CCDC141: variants seen among roughly 807,000 people sequenced by gnomAD.
CCDC141 encodes coiled-coil domain-containing protein 141.
In CCDC141, 168 loss-of-function variants were observed where a neutral mutation model predicts 181.0. That is an observed-to-expected ratio of 0.93 (90% CI 0.82 to 1.05). The LOEUF (loss-of-function observed/expected upper bound fraction) is 1.05, where lower values mean the gene tolerates loss of function less well. CCDC141 is among the 50% of genes least tolerant of loss of function. CCDC141 has a pLI of 0.00. For synonymous variants in CCDC141, 666 were observed against 642.3 expected (o/e 1.04, Z -0.56); for missense variants, 1,902 against 1,788.5 (o/e 1.06, Z -1.14).
At chr2:178,990,349 A>T (rs1350798700) in intron 2 of CCDC141, among the ~76,000 whole-genome samples, 1 of 152,056 alleles carries the variant, frequency 6.6e-6, no homozygotes, top group Non-Finnish European at 1.5e-5. Context: ...ATCCACAGGA[A>T]TTAAAGCATA....
intron 2 of CCDC141, among the ~76,000 whole-genome samples, chr2:179,016,959 C>G (rs2042560592): frequency 6.6e-6 from 1 of 152,014 alleles, no homozygotes; most frequent in African/African-American, 2.4e-5. Context: ...CTATGTGGGT[C>G]ACCATGCTTC....
chr2:178,999,094 G>C (rs959399137), intron 2 of CCDC141, among the ~76,000 whole-genome samples: 6 of 152,060 alleles, frequency 3.9e-5, no homozygotes, highest in African/African-American at 1.4e-4. Flanking sequence ...TCTTAAATCT[G>C]CAACCACTGT....
chr2:179,039,617 C>T lies in CCDC141; in HGVS notation c.225+7667G>A, dbSNP rs529775100. On this transcript the variant is annotated intron_variant, in intron 2 of 23. Transcript: ENST00000443758. ...ACTCAGCACCGAATCCTACACCCTT[C>T]CAATGCCATTTTCACAGCATTCTTT... 8.9e-4 allele frequency among the ~76,000 whole-genome samples: 136 copies of T among 152,272 alleles called. 1 individual carries two copies. The highest frequency in any genetic ancestry group is 3.0e-3 in the African/African-American group (123 of 41,546).
rs1186976066 is a variant in CCDC141 at position 178,884,888 on chromosome 2, CAT to C, written c.1719+11_1719+12del. The C allele has an allele frequency of 6.5e-7, 1 of 1,547,678 alleles. No individual in the cohort carries two copies. The highest frequency in any genetic ancestry group is 8.7e-7 in the Non-Finnish European group (1 of 1,144,874). ...GCCACCTTGCTGAAGAAGGTTAACA[CAT>C]AGTACCATACCTCCTCTGATGACTT... On this transcript the variant is annotated intron_variant, in intron 11 of 23. Coordinates refer to ENST00000443758, the MANE Select transcript of CCDC141 (RefSeq NM_173648.4).
At chr2:178,982,021 T>A (rs891459500) in intron 2 of CCDC141, among the ~76,000 whole-genome samples, 12 of 152,066 alleles carry the variant, frequency 7.9e-5, no homozygotes, top group Non-Finnish European at 1.3e-4. Context: ...AATGGCTCTA[T>A]GTCCACAAAT....
At chr2:178,991,050 A>G (rs1692029587) in intron 2 of CCDC141, among the ~76,000 whole-genome samples, 1 of 152,114 alleles carries the variant, frequency 6.6e-6, no homozygotes, top group Admixed American at 6.5e-5. Context: ...ATAACCTGAA[A>G]CCAGTTTTAG....
At chr2:179,011,399 G>T (rs957820778) in intron 2 of CCDC141, among the ~76,000 whole-genome samples, 2 of 152,150 alleles carry the variant, frequency 1.3e-5, no homozygotes, top group African/African-American at 4.8e-5. Flanking sequence ...AATGGTAAAA[G>T]ACCTTGTCCA....
At chr2:179,038,384 T>A (rs185763047) in intron 2 of CCDC141, among the ~76,000 whole-genome samples, 265 of 152,310 alleles carry the variant, frequency 1.7e-3, no homozygotes, top group South Asian at 0.017. Context: ...ATTTTTTTAC[T>A]GGGTACTGAG....
chr2:178,826,232 G>C (rs189206357), downstream of CCDC141, among the ~76,000 whole-genome samples: 21 of 152,232 alleles, frequency 1.4e-4, no homozygotes, highest in African/African-American at 3.9e-4. Flanking sequence ...TGGATTCACT[G>C]ATTGATTTGT....
intron 2 of CCDC141, among the ~76,000 whole-genome samples, chr2:178,988,954 A>C (rs1226276940): frequency 2.0e-5 from 3 of 152,226 alleles, no homozygotes; most frequent in Non-Finnish European, 4.4e-5. Flanking sequence ...TTCACATGTA[A>C]AAGAATAAAA....
rs541069781 is a variant in CCDC141 at position 178,902,821 on chromosome 2, C to T, written c.1265+2508G>A. Among the ~76,000 whole-genome samples, 898 of 149,412 alleles carry T rather than the reference C, an allele frequency of 6.0e-3. 12 individuals carry two copies. The highest frequency in any genetic ancestry group is 0.02 in the African/African-American group (830 of 41,108). On this transcript the variant is annotated intron_variant, in intron 8 of 23. Coordinates refer to ENST00000443758, the MANE Select transcript of CCDC141 (RefSeq NM_173648.4). ...AACTACCATCAGAGTGAACAGGCAA[C>T]CTACAAAATGGGAGAAAATTTTCGC... is the stretch of plus-strand genomic sequence containing the variant.
downstream of CCDC141, among the ~76,000 whole-genome samples, chr2:178,829,502 T>C (rs80040332): frequency 1.1e-4 from 17 of 152,332 alleles, no homozygotes; most frequent in East Asian, 2.3e-3. Flanking sequence ...GCTGTGGAGA[T>C]TCATGGAAAA....
chr2:178,948,371 G>C (rs1452586165), intron 5 of CCDC141, among the ~76,000 whole-genome samples: 1 of 152,084 alleles, frequency 6.6e-6, no homozygotes, highest in Non-Finnish European at 1.5e-5. Flanking sequence ...TCAGTAGGTT[G>C]CATTATATTA....
intron 6 of CCDC141, among the ~76,000 whole-genome samples, chr2:178,940,094 T>C (rs571747897): frequency 6.6e-6 from 1 of 152,238 alleles, no homozygotes; most frequent in South Asian, 2.1e-4. Flanking sequence ...TGAAGAAGAA[T>C]CAATGTCAGC....
chr2:178,987,689 A>T (rs545888253), intron 2 of CCDC141, among the ~76,000 whole-genome samples: 2 of 150,456 alleles, frequency 1.3e-5, no homozygotes, highest in African/African-American at 4.9e-5. Context: ...AAAAGAAGAC[A>T]TTTATGCAGC....
chr2:178,961,546 C>A, intron 4 of CCDC141, 63 bp from the exon 5 acceptor site: 1 of 1,197,784 alleles, frequency 8.3e-7, no homozygotes, highest in Non-Finnish European at 1.2e-6. Context: ...CAGCAATATT[C>A]AGACTCTTCA....
At chr2:179,000,857 C>T (rs771880811) in intron 2 of CCDC141, among the ~76,000 whole-genome samples, 9 of 152,178 alleles carry the variant, frequency 5.9e-5, no homozygotes, top group Non-Finnish European at 1.2e-4. Context: ...AAGTTTGTAC[C>T]AATTGACTAG....
chr2:178,983,191 T>C (rs993667037), intron 2 of CCDC141, among the ~76,000 whole-genome samples: 10 of 151,996 alleles, frequency 6.6e-5, no homozygotes, highest in Non-Finnish European at 1.3e-4. Flanking sequence ...GGAGGCACCC[T>C]CCAGCAGGGG....
intron 19 of CCDC141, 138 bp from the exon 20 acceptor site, chr2:178,853,762 A>T: frequency 1.6e-6 from 1 of 637,030 alleles, no homozygotes; most frequent in African/African-American, 1.8e-5. Flanking sequence ...GTCATAATAA[A>T]GAAAATATTA....
Sources: allele counts gnomAD v4.1 joint callset (sites outside exome capture counted in the v4.1 genomes callset), GRCh38; gene constraint gnomAD v4.1.1; transcripts MANE v1.5; gene names NCBI Gene and HGNC (gene_info 2026-07-23, HGNC 2026-07-21).